FARS2: variants seen among roughly 807,000 people sequenced by gnomAD.
FARS2 encodes phenylalanine--tRNA ligase, mitochondrial.
A neutral mutation model predicts 46.4 loss-of-function variants in FARS2; 40 were observed. That is an observed-to-expected ratio of 0.86 (90% CI 0.67 to 1.12). FARS2 has a LOEUF of 1.12. Ranked by LOEUF, FARS2 falls within the 50% of genes most tolerant of loss-of-function variation. The pLI is 0.00. For missense variants in FARS2, 513 were observed against 567.9 expected, an observed-to-expected ratio of 0.90 and a Z score of 0.98; for synonymous variants, 234 against 214.9, an observed-to-expected ratio of 1.09 and a Z score of -0.78.
chr6:5,705,575 C>T (rs771795251), intron 6 of FARS2, among the ~76,000 whole-genome samples: 2 of 152,030 alleles, frequency 1.3e-5, no homozygotes, highest in Admixed American at 1.3e-4. Flanking sequence ...GACACCTGGC[C>T]GCTAAAGAGG....
At chr6:5,387,410 A>G (rs1293782131) in intron 2 of FARS2, among the ~76,000 whole-genome samples, 1 of 152,236 alleles carries the variant, frequency 6.6e-6, no homozygotes, top group African/African-American at 2.4e-5. Flanking sequence ...ATGGGAATAC[A>G]GGGCTTAGAC....
At position 5,424,214 on chromosome 6, in the gene FARS2, A is replaced by G. The variant is rs180926171; in HGVS notation, c.773-6827A>G. ...TTGTATTCTTCCACCAGTTAGTTCT[A>G]TGGCCTTGGCGCCTGTGGAAAGTAT... is the stretch of plus-strand genomic sequence containing the variant. On this transcript the variant is annotated intron_variant, in intron 3 of 6. Transcript: ENST00000274680. Among the ~76,000 whole-genome samples, 6 of 152,324 alleles carry G rather than the reference A, an allele frequency of 3.9e-5. No homozygotes were observed. The East Asian group carries it at 1.2e-3, about 29-fold the overall frequency.
chr6:5,712,549 A>T (rs1188078811), intron 6 of FARS2, among the ~76,000 whole-genome samples: 1 of 152,226 alleles, frequency 6.6e-6, no homozygotes, highest in Non-Finnish European at 1.5e-5. Flanking sequence ...GCAACTCGGA[A>T]ATGTAGACAG....
intron 1 of FARS2, among the ~76,000 whole-genome samples, chr6:5,330,815 A>G (rs777908952): frequency 1.3e-5 from 2 of 152,190 alleles, no homozygotes; most frequent in Non-Finnish European, 2.9e-5. Flanking sequence ...CATTAATTCA[A>G]TAATTTTTGG....
chr6:5,682,272 C>A (rs1358030090), intron 6 of FARS2, among the ~76,000 whole-genome samples: 1 of 152,012 alleles, frequency 6.6e-6, no homozygotes, highest in African/African-American at 2.4e-5. Context: ...TAAAAATATA[C>A]ATTTGTATTG....
At chr6:5,382,938 AT>A (rs548091717) in intron 2 of FARS2, among the ~76,000 whole-genome samples, 2 of 152,224 alleles carry the variant, frequency 1.3e-5, no homozygotes, top group Non-Finnish European at 2.9e-5. Context: ...CTTCCTCAGC[AT>A]TTTATTCTAT....
rs1768213290 is a variant in FARS2 at position 5,508,196 on chromosome 6, A to G, written c.905-36984A>G. Among the ~76,000 whole-genome samples, 2 of 152,238 alleles carry G rather than the reference A, an allele frequency of 1.3e-5. 1 individual carries two copies. The highest frequency in any genetic ancestry group is 4.1e-4 in the South Asian group (2 of 4,834). On this transcript the variant is annotated intron_variant, in intron 4 of 6. Transcript: ENST00000274680. ...CTGGGAAAACAATCAAGTCAGTGATATAAACCATTAAGTGCAGTGTGCACC... is the reference window on the plus strand; with the variant it reads ...CTGGGAAAACAATCAAGTCAGTGATGTAAACCATTAAGTGCAGTGTGCACC...
At chr6:5,268,013 G>A (rs9405816) in intron 1 of FARS2, among the ~76,000 whole-genome samples, 117,295 of 149,004 alleles carry the variant, frequency 0.79, 46,649 homozygotes, top group African/African-American at 0.92. Flanking sequence ...TTTGAGAAGT[G>A]TCTGTTCATA....
At chr6:5,341,474 T>C (rs1363042513) in intron 1 of FARS2, among the ~76,000 whole-genome samples, 2 of 151,012 alleles carry the variant, frequency 1.3e-5, no homozygotes, top group African/African-American at 4.9e-5. Context: ...TACTTGGGAC[T>C]CTTTGTTTTT....
intron 4 of FARS2, among the ~76,000 whole-genome samples, chr6:5,461,883 G>A (rs758187906): frequency 5.9e-5 from 9 of 152,172 alleles, no homozygotes; most frequent in Non-Finnish European, 1.2e-4. Context: ...GCTATAAACA[G>A]TCACATACAG....
chr6:5,566,366 A>G (rs548885889), intron 5 of FARS2, among the ~76,000 whole-genome samples: 18 of 152,200 alleles, frequency 1.2e-4, no homozygotes, highest in Admixed American at 5.2e-4. Context: ...ATGCGAAGTA[A>G]TTTCTGATAC....
At chr6:5,631,522 A>T (rs1043211139) in intron 6 of FARS2, among the ~76,000 whole-genome samples, 2 of 152,100 alleles carry the variant, frequency 1.3e-5, no homozygotes, top group African/African-American at 4.8e-5. Flanking sequence ...TTCTCAAGAA[A>T]CAAATGTCTC....
intron 6 of FARS2, among the ~76,000 whole-genome samples, chr6:5,619,320 A>C (rs1437705573): frequency 6.6e-6 from 1 of 152,150 alleles, no homozygotes; most frequent in Non-Finnish European, 1.5e-5. Context: ...TTGGTGGTGA[A>C]AAATGCCCCA....
the FARS2 span, among the ~76,000 whole-genome samples, chr6:5,250,255 G>A: frequency 6.6e-6 from 1 of 151,828 alleles, no homozygotes; most frequent in South Asian, 2.1e-4. Context: ...AAAGGCCAAG[G>A]CAAAGTATAA....
chr6:5,469,359 C>T (rs910412706), intron 4 of FARS2, among the ~76,000 whole-genome samples: 8 of 152,238 alleles, frequency 5.3e-5, no homozygotes, highest in African/African-American at 1.9e-4. Flanking sequence ...GGAGCCCCGC[C>T]CCACACTTCA....
chr6:5,717,908 C>CTATATATATA (rs58922507), intron 6 of FARS2, among the ~76,000 whole-genome samples: 4 of 77,724 alleles, frequency 5.1e-5, no homozygotes, highest in African/African-American at 1.2e-4. Flanking sequence ...AAGGTATCAG[C>CTATATATATA]TATATATATA....
At chr6:5,278,452 A>G (rs185862947) in intron 1 of FARS2, among the ~76,000 whole-genome samples, 3 of 152,332 alleles carry the variant, frequency 2.0e-5, no homozygotes, top group Admixed American at 6.5e-5. Flanking sequence ...TCTTCAAAAT[A>G]TGGTAAAACG....
At chr6:5,506,556 A>G (rs1231364548) in intron 4 of FARS2, among the ~76,000 whole-genome samples, 2 of 152,168 alleles carry the variant, frequency 1.3e-5, no homozygotes, top group Non-Finnish European at 2.9e-5. Context: ...TCAGTGCAGA[A>G]GCTTCCCTGG....
At chr6:5,425,567 G>T (rs1438202817) in intron 3 of FARS2, among the ~76,000 whole-genome samples, 1 of 152,160 alleles carries the variant, frequency 6.6e-6, no homozygotes, top group Admixed American at 6.5e-5. Context: ...TGCCAAAGGT[G>T]CAGAAGTCGG....
Sources: gnomAD v4.1 joint callset for allele counts (sites outside exome capture counted in the v4.1 genomes callset) on GRCh38, gnomAD v4.1.1 for gene constraint, MANE v1.5 for transcripts, NCBI Gene and HGNC (gene_info 2026-07-23, HGNC 2026-07-21) for gene names.